HECW2: variants seen among roughly 807,000 people sequenced by gnomAD.
HECW2 encodes E3 ubiquitin-protein ligase HECW2.
A neutral mutation model predicts 175.2 loss-of-function variants in HECW2; 61 were observed. The observed-to-expected ratio is 0.35, with a 90% CI of 0.28 to 0.43. The LOEUF (loss-of-function observed/expected upper bound fraction) is 0.43. Among genes scored for constraint, HECW2 ranks in the 20% least tolerant of loss-of-function variants. HECW2 has a pLI of 1.00. For synonymous variants in HECW2, 671 were observed against 731.0 expected, an observed-to-expected ratio of 0.92 and a Z score of 1.32; for missense variants, 1,524 against 2,000.5, an observed-to-expected ratio of 0.76 and a Z score of 4.54.
At chr2:196,297,122 G>A (rs376078978) in intron 13 of HECW2, among the ~76,000 whole-genome samples, 2 of 152,168 alleles carry the variant, frequency 1.3e-5, no homozygotes, top group Admixed American at 6.5e-5. Flanking sequence ...ACGTGGACTC[G>A]AGTAGTTAAG....
At chr2:196,522,278 C>A (rs1183370737) in intron 1 of HECW2, among the ~76,000 whole-genome samples, 2 of 152,136 alleles carry the variant, frequency 1.3e-5, no homozygotes, top group Admixed American at 1.3e-4. Context: ...GCATAAATGT[C>A]TTCTTTTGAG....
intron 14 of HECW2, among the ~76,000 whole-genome samples, chr2:196,283,184 C>G (rs1378412383): frequency 6.9e-6 from 1 of 145,612 alleles, no homozygotes; most frequent in Non-Finnish European, 1.5e-5. Flanking sequence ...ATGGCGTGAA[C>G]CCGGGAGGCA....
chr2:196,570,444 C>G (rs1690343645), intron 1 of HECW2, among the ~76,000 whole-genome samples: 1 of 152,136 alleles, frequency 6.6e-6, no homozygotes, highest in East Asian at 1.9e-4. Flanking sequence ...GCTCAACTAT[C>G]ACAAGGACAG....
At position 196,292,624 on chromosome 2, in the gene HECW2, C is replaced by T. The variant is rs771405901; in HGVS notation, c.2941G>A (p.Ala981Thr). 2.9e-5 allele frequency: 47 copies of T among 1,614,114 alleles called. 2 individuals carry two copies. The highest frequency in any genetic ancestry group is 2.5e-4 in the South Asian group (23 of 91,086). ...RDLVGFLNMF[A>T]NKQLELPRGW... ...CGCGGCAGCTCTAGCTGTTTGTTCG[C>T]GAACATGTTGAGGAATCCCACAAGG... Residue 981 changes from alanine to threonine, a missense_variant, in exon 14 of 29, where the codon GCG becomes ACG. Coordinates refer to ENST00000644978, the MANE Select transcript of HECW2 (RefSeq NM_001348768.2).
At chr2:196,222,061 C>T (rs924615461) in intron 24 of HECW2, 150 bp downstream of exon 24, 9 of 560,126 alleles carry the variant, frequency 1.6e-5, no homozygotes, top group East Asian at 9.0e-5. Flanking sequence ...TTTATAACTG[C>T]GGTTATTATA....
chr2:196,477,623 T>A (rs1686693050), intron 1 of HECW2, among the ~76,000 whole-genome samples: 1 of 152,220 alleles, frequency 6.6e-6, no homozygotes, highest in African/African-American at 2.4e-5. Flanking sequence ...AAAATCTGAA[T>A]GAGTGCTACA....
chr2:196,483,532 T>A (rs1686910744), intron 1 of HECW2, among the ~76,000 whole-genome samples: 1 of 152,202 alleles, frequency 6.6e-6, no homozygotes. Context: ...AAACCGATAG[T>A]ACCTTGGAGT....
chr2:196,548,939 A>C (rs781669457), intron 1 of HECW2, among the ~76,000 whole-genome samples: 17 of 152,152 alleles, frequency 1.1e-4, no homozygotes, highest in Non-Finnish European at 2.2e-4. Flanking sequence ...GCCCACCCTA[A>C]TGACCTCCTT....
chr2:196,393,648 G>A (rs998755632), intron 2 of HECW2, among the ~76,000 whole-genome samples: 13 of 152,152 alleles, frequency 8.5e-5, no homozygotes, highest in Non-Finnish European at 1.6e-4. Context: ...AAAAAGTCAG[G>A]AAACAACAGG....
intron 1 of HECW2, among the ~76,000 whole-genome samples, chr2:196,467,878 C>G (rs1270133765): frequency 2.0e-5 from 3 of 152,234 alleles, no homozygotes; most frequent in African/African-American, 7.2e-5. Flanking sequence ...AAATTACTTT[C>G]TCTTCTCTTG....
At chr2:196,412,793 TTAAAAC>T (rs1695150625) in intron 2 of HECW2, among the ~76,000 whole-genome samples, 2 of 152,202 alleles carry the variant, frequency 1.3e-5, no homozygotes, top group Non-Finnish European at 2.9e-5. Flanking sequence ...GAAAGTAAAT[TTAAAAC>T]TAAACACATT....
At chr2:196,221,435 A>C (rs1464654193) in intron 24 of HECW2, among the ~76,000 whole-genome samples, 1 of 152,222 alleles carries the variant, frequency 6.6e-6, no homozygotes. Flanking sequence ...AATTTCTGGA[A>C]GAAACGTTTT....
At chr2:196,491,465 GGT>G (rs1424765711) in intron 1 of HECW2, among the ~76,000 whole-genome samples, 2 of 51,498 alleles carry the variant, frequency 3.9e-5, no homozygotes, top group Non-Finnish European at 8.6e-5. Context: ...AGGTATATTA[GGT>G]GTGTGTATAT....
At chr2:196,455,027 C>T (rs1696462660) in intron 1 of HECW2, among the ~76,000 whole-genome samples, 1 of 151,102 alleles carries the variant, frequency 6.6e-6, no homozygotes, top group African/African-American at 2.5e-5. Flanking sequence ...ACCACAGACC[C>T]TTTTACTTAA....
chr2:196,369,546 T>A (rs574732527), intron 2 of HECW2, among the ~76,000 whole-genome samples: 48 of 151,672 alleles, frequency 3.2e-4, no homozygotes, highest in Non-Finnish European at 3.7e-4. Flanking sequence ...CTCAAGGGCC[T>A]AGGGCTCTAC....
intron 1 of HECW2, among the ~76,000 whole-genome samples, chr2:196,543,221 C>T (rs1689288495): frequency 6.6e-6 from 1 of 150,528 alleles, no homozygotes; most frequent in South Asian, 2.1e-4. Flanking sequence ...CAGTTAAATA[C>T]AAATCTACAA....
chr2:196,537,189 A>T (rs73989980), intron 1 of HECW2, among the ~76,000 whole-genome samples: 5,383 of 152,214 alleles, frequency 0.035, 311 homozygotes, highest in African/African-American at 0.12. Context: ...CTGAACATCT[A>T]AACACTACAA....
rs534657696 is a variant in HECW2, at chr2:196,279,174, G to A, written c.3001-512C>T. Among the ~76,000 whole-genome samples the A allele has an allele frequency of 5.1e-4, 78 of 151,960 alleles. 1 individual carries two copies. The highest frequency in any genetic ancestry group is 5.2e-4 in the Admixed American group (8 of 15,268). ...TGCCATTCTCCTGCCTCAGCCTCCC[G>A]AGTAGCTGGGACTACAGGCGCCCAC... is the stretch of plus-strand genomic sequence containing the variant. On this transcript the variant is annotated intron_variant, in intron 14 of 28. Transcript: ENST00000644978.
At chr2:196,585,929 C>T (rs1690959566) in intron 1 of HECW2, among the ~76,000 whole-genome samples, 2 of 152,098 alleles carry the variant, frequency 1.3e-5, no homozygotes, top group Admixed American at 1.3e-4. Context: ...TGACAGTTTT[C>T]TCTACCTCCT....
Sources: allele counts gnomAD v4.1 joint callset (sites outside exome capture counted in the v4.1 genomes callset), GRCh38; gene constraint gnomAD v4.1.1; transcripts MANE v1.5; gene names NCBI Gene and HGNC (gene_info 2026-07-23, HGNC 2026-07-21).